The following DCC variants were observed in gnomAD, a reference collection of about 807,000 sequenced individuals.
DCC encodes DCC netrin 1 receptor.
DCC carries 58 observed loss-of-function variants against 172.5 expected under a neutral mutation model. That is an observed-to-expected ratio of 0.34 (90% CI 0.27 to 0.42). The LOEUF is 0.42. Ranked by LOEUF, DCC falls within the 10% of genes least tolerant of loss-of-function variation. DCC has a pLI of 1.00. For synonymous variants in DCC, 709 were observed against 644.5 expected (o/e 1.10, Z -1.52); for missense variants, 1,740 against 1,791.0 (o/e 0.97, Z 0.51).
intron 13 of DCC, among the ~76,000 whole-genome samples, chr18:53,315,143 A>G (rs2057328888): frequency 1.3e-5 from 2 of 152,074 alleles, no homozygotes. Flanking sequence ...GACCTGGTGT[A>G]TGATGTTCCC....
intron 8 of DCC, among the ~76,000 whole-genome samples, chr18:53,162,870 G>T (rs1255047654): frequency 6.6e-6 from 1 of 152,182 alleles, no homozygotes; most frequent in African/African-American, 2.4e-5. Flanking sequence ...CTATGGGCAA[G>T]GCTGTTTTTA....
intron 2 of DCC, among the ~76,000 whole-genome samples, chr18:52,852,360 T>C (rs1170826182): frequency 6.6e-6 from 1 of 152,110 alleles, no homozygotes. Context: ...TTTAAAAAGA[T>C]GAGATGATTG....
intron 7 of DCC, among the ~76,000 whole-genome samples, chr18:53,102,617 G>T (rs1364971615): frequency 6.6e-6 from 1 of 152,104 alleles, no homozygotes; most frequent in Non-Finnish European, 1.5e-5. Flanking sequence ...TTATGGTGCA[G>T]TGAAATCTAA....
intron 5 of DCC, among the ~76,000 whole-genome samples, chr18:53,031,653 CA>C (rs1021072465): frequency 6.6e-6 from 1 of 151,870 alleles, no homozygotes; most frequent in South Asian, 2.1e-4. Context: ...AAATATAAGA[CA>C]AAAATAAATA....
chr18:52,901,454 A>C (rs1022488307), intron 2 of DCC, among the ~76,000 whole-genome samples: 33 of 152,114 alleles, frequency 2.2e-4, no homozygotes, highest in African/African-American at 7.2e-4. Flanking sequence ...TAAATAAATA[A>C]ATAAAAATAA....
At chr18:53,460,006 T>C (rs1408015520) in intron 24 of DCC, among the ~76,000 whole-genome samples, 1 of 143,062 alleles carries the variant, frequency 7.0e-6, no homozygotes, top group Non-Finnish European at 1.5e-5. Flanking sequence ...ATCCCCAGAC[T>C]AGTTTGATGG....
intron 1 of DCC, among the ~76,000 whole-genome samples, chr18:52,521,827 T>C (rs1387877024): frequency 6.6e-6 from 1 of 152,188 alleles, no homozygotes; most frequent in Non-Finnish European, 1.5e-5. Flanking sequence ...TATTGATTAG[T>C]AGCTGAGTTT....
At chr18:52,955,513 A>G (rs149669250) in intron 5 of DCC, among the ~76,000 whole-genome samples, 2,064 of 152,132 alleles carry the variant, frequency 0.014, 61 homozygotes, top group African/African-American at 0.048. Context: ...ATAAACAACT[A>G]TGTGTAGATT....
At chr18:52,819,284 G>A (rs1382102008) in intron 2 of DCC, among the ~76,000 whole-genome samples, 1 of 152,034 alleles carries the variant, frequency 6.6e-6, no homozygotes, top group Non-Finnish European at 1.5e-5. Flanking sequence ...GTAAAATCCA[G>A]CAATGTCATT....
At chr18:53,176,718 T>G (rs1263559836) in intron 8 of DCC, among the ~76,000 whole-genome samples, 81 of 151,694 alleles carry the variant, frequency 5.3e-4, no homozygotes, top group African/African-American at 1.1e-3. Flanking sequence ...GGAACACTTT[T>G]ACACTGTTGC....
intron 15 of DCC, among the ~76,000 whole-genome samples, chr18:53,355,583 G>T (rs2057868700): frequency 6.6e-6 from 1 of 152,088 alleles, no homozygotes; most frequent in Non-Finnish European, 1.5e-5. Context: ...TCTGTTATTA[G>T]TGTATAAGAA....
chr18:52,678,791 C>T (rs1381369920), intron 1 of DCC, among the ~76,000 whole-genome samples: 3 of 152,054 alleles, frequency 2.0e-5, no homozygotes, highest in Non-Finnish European at 4.4e-5. Context: ...CTTCATTATC[C>T]CCTTTCTGTT....
At position 52,752,162 on chromosome 18, in the gene DCC, G is replaced by C; in HGVS notation, c.200G>C (p.Arg67Pro). Reference protein sequence around the residue: ...VLLDCSAESDRGVPVIKWKKD... With the variant: ...VLLDCSAESDPGVPVIKWKKD... Reference sequence around the variant, plus strand: ...CTCGACTGCTCCGCGGAGTCCGACCGAGGAGTTCCAGTGATCAAGTGGAAG... The same window carrying C: ...CTCGACTGCTCCGCGGAGTCCGACCCAGGAGTTCCAGTGATCAAGTGGAAG... Residue 67 changes from arginine to proline, a missense_variant, in exon 2 of 29, where the codon CGA (arginine) becomes CCA (proline). By Grantham distance (103) the Arg-to-Pro change is moderately radical. Around this residue, in one of 2 missense-constraint regions of DCC, gnomAD observed 1,732 missense variants for 1,767.4 expected, o/e 0.98. Transcript: ENST00000442544. 6.2e-7 allele frequency: 1 copy of C among 1,614,154 alleles called. No homozygotes were observed. Among genetic ancestry groups the C allele is most frequent in the Non-Finnish European group, 8.5e-7 (1 of 1,180,026 alleles).
chr18:53,056,737 T>G (rs1235832194), intron 5 of DCC, among the ~76,000 whole-genome samples: 1 of 152,098 alleles, frequency 6.6e-6, no homozygotes, highest in Non-Finnish European at 1.5e-5. Context: ...GGCTTTCCAC[T>G]GTTCTCAGGG....
intron 11 of DCC, among the ~76,000 whole-genome samples, chr18:53,212,020 C>T (rs954387069): frequency 2.0e-5 from 3 of 152,144 alleles, no homozygotes; most frequent in Non-Finnish European, 4.4e-5. Flanking sequence ...TGCATTCCAG[C>T]CTGGGCAACA....
intron 12 of DCC, among the ~76,000 whole-genome samples, chr18:53,224,794 G>A (rs2055998075): frequency 1.3e-5 from 2 of 152,106 alleles, no homozygotes; most frequent in African/African-American, 4.8e-5. Flanking sequence ...ATTTGGTTTA[G>A]GGGACAATCA....
chr18:52,849,948 C>T (rs1351957505), intron 2 of DCC, among the ~76,000 whole-genome samples: 1 of 152,068 alleles, frequency 6.6e-6, no homozygotes, highest in Non-Finnish European at 1.5e-5. Context: ...AAAAATGCCC[C>T]AGGTCATGAG....
chr18:53,459,342 C>T lies in DCC; in HGVS notation c.3503C>T (p.Pro1168Leu). 1 of 1,613,986 alleles carries T rather than the reference C, an allele frequency of 6.2e-7. No individual in the cohort carries two copies. The highest frequency in any genetic ancestry group is 8.5e-7 in the Non-Finnish European group (1 of 1,179,922). The change falls in exon 24 of 29, where the codon CCA becomes CTA. Residue 1168 changes from proline to leucine, a missense_variant. Transcript: ENST00000442544. ...EEMEMKNIEKPSGTDPAGRDS... is the reference protein window; with the variant it reads ...EEMEMKNIEKLSGTDPAGRDS... ...ATGGAGATGAAAAATATTGAAAAGCCATCTGGCACTGACCCTGCAGGAAGG... is the reference window on the plus strand; with the variant it reads ...ATGGAGATGAAAAATATTGAAAAGCTATCTGGCACTGACCCTGCAGGAAGG...
chr18:52,996,119 G>A (rs1052582268), intron 5 of DCC, among the ~76,000 whole-genome samples: 3 of 152,134 alleles, frequency 2.0e-5, no homozygotes, highest in East Asian at 3.9e-4. Context: ...CATTAGGAGA[G>A]CATGTTTAGT....
Sources: allele counts gnomAD v4.1 joint callset (sites outside exome capture counted in the v4.1 genomes callset), GRCh38; gene constraint gnomAD v4.1.1; regional missense constraint gnomAD v4.1.1; transcripts MANE v1.5; gene names NCBI Gene and HGNC (gene_info 2026-07-23, HGNC 2026-07-21).